The following PIP4K2B variants were observed in gnomAD, a reference collection of about 807,000 sequenced individuals.
PIP4K2B encodes phosphatidylinositol 5-phosphate 4-kinase type-2 beta.
In PIP4K2B, 3 loss-of-function variants were observed where a neutral mutation model predicts 42.0. The ratio of observed to expected loss-of-function variants is 0.07; its 90% CI spans 0.03 to 0.18. The LOEUF is 0.18. Ranked by LOEUF, PIP4K2B falls within the 10% of genes least tolerant of loss-of-function variation. The pLI, the probability that PIP4K2B is intolerant of heterozygous loss-of-function variation, is 1.00. For missense variants in PIP4K2B, 332 were observed against 562.3 expected, an observed-to-expected ratio of 0.59 and a Z score of 4.14; for synonymous variants, 204 against 210.1, an observed-to-expected ratio of 0.97 and a Z score of 0.25.
chr17:38,795,719 C>A (rs1910620578), intron 1 of PIP4K2B, among the ~76,000 whole-genome samples: 1 of 151,214 alleles, frequency 6.6e-6, no homozygotes, highest in Non-Finnish European at 1.5e-5. Flanking sequence ...GCACTAAACT[C>A]CAGCCTGGGC....
chr17:38,789,404 C>T (rs1369693732), intron 1 of PIP4K2B, among the ~76,000 whole-genome samples: 1 of 152,226 alleles, frequency 6.6e-6, no homozygotes, highest in Non-Finnish European at 1.5e-5. Context: ...ACCCTCAACC[C>T]AGTTGCCACT....
intron 1 of PIP4K2B, 80 bp from the exon 2 acceptor site, chr17:38,787,000 C>A (rs1910055824): frequency 1.1e-6 from 1 of 902,110 alleles, no homozygotes; most frequent in East Asian, 2.4e-5. Flanking sequence ...GTGGATGCCA[C>A]AATCTTGCTA....
In PIP4K2B at chr17:38,780,594, G is replaced by A. The variant is rs192535553; in HGVS notation, c.365C>T (p.Thr122Met). ...IDDQDYQNSV[T>M]RSAPINSDSQ... ...GTCACTGTTGATGGGGGCGCTGCGCGTCACTGAATTCTGATAATCGAGACA... is the reference window on the plus strand; with the variant it reads ...GTCACTGTTGATGGGGGCGCTGCGCATCACTGAATTCTGATAATCGAGACA... Residue 122 changes from threonine to methionine, a missense_variant, in exon 4 of 10, where the codon ACG becomes ATG. Thr to Met is a moderately conservative substitution (Grantham distance 81, BLOSUM62 -1). Coordinates refer to ENST00000619039, the MANE Select transcript of PIP4K2B (RefSeq NM_003559.5). The A allele has an allele frequency of 1.6e-5, 26 of 1,610,648 alleles. No individual in the cohort carries two copies. Among genetic ancestry groups the A allele is most frequent in the Middle Eastern group, 1.7e-4 (1 of 6,052 alleles).
At position 38,799,229 on chromosome 17, in the gene PIP4K2B, G is replaced by GGGGCCGCGCTCAGAGGGGCGCGCA. The variant is rs763920486; in HGVS notation, c.159+13_159+36dup. The GGGGCCGCGCTCAGAGGGGCGCGCA allele has an allele frequency of 5.8e-6, 9 of 1,547,610 alleles. No individual in the cohort carries two copies. The highest frequency in any genetic ancestry group is 1.7e-4 in the Middle Eastern group (1 of 5,848). On this transcript the variant is annotated intron_variant, in intron 1 of 9. Coordinates refer to ENST00000619039, the MANE Select transcript of PIP4K2B (RefSeq NM_003559.5). The surrounding 1 kb of genome is among the most constrained non-coding windows in gnomAD (Gnocchi z 4.4). ...GGCTGCAGGGGGCGTGGGAGCGCGC[G>GGGGCCGCGCTCAGAGGGGCGCGCA]GGGCCGCGCTCAGAGGGGCGCGCAG... is the stretch of plus-strand genomic sequence containing the variant.
intron 7 of PIP4K2B, 45 bp downstream of exon 7, chr17:38,777,642 G>T: frequency 8.1e-7 from 1 of 1,230,186 alleles, no homozygotes; most frequent in Non-Finnish European, 1.2e-6. Context: ...GCCTACTCTA[G>T]GTACAGAAGG....
intron 4 of PIP4K2B, 200 bp from the exon 5 acceptor site, chr17:38,779,729 A>G: frequency 1.9e-6 from 1 of 539,970 alleles, no homozygotes; most frequent in Non-Finnish European, 3.3e-6. Flanking sequence ...TCCTGTTGGC[A>G]TGGCAGAGGG....
intron 1 of PIP4K2B, among the ~76,000 whole-genome samples, chr17:38,797,305 C>T (rs1054654071): frequency 6.6e-6 from 1 of 152,218 alleles, no homozygotes; most frequent in Non-Finnish European, 1.5e-5. Context: ...AGACTCATGC[C>T]TGCCTATCGG....
At chr17:38,773,713 A>G (rs1020386977) in intron 7 of PIP4K2B, among the ~76,000 whole-genome samples, 1 of 152,110 alleles carries the variant, frequency 6.6e-6, no homozygotes, top group African/African-American at 2.4e-5. Flanking sequence ...AGCCCTAAAG[A>G]TGGGAGCCCA....
chr17:38,789,736 T>C (rs917518808), intron 1 of PIP4K2B, among the ~76,000 whole-genome samples: 16 of 152,104 alleles, frequency 1.1e-4, no homozygotes, highest in African/African-American at 3.9e-4. Flanking sequence ...AATTTACTCA[T>C]GGAGAAATGA....
intron 7 of PIP4K2B, chr17:38,776,144 A>G (rs1467271610): frequency 2.7e-6 from 1 of 376,630 alleles, no homozygotes; most frequent in African/African-American, 2.2e-5. Context: ...CTAATTTTGT[A>G]TTTTCAGTAG....
At chr17:38,776,294 C>T (rs1448958898) in intron 7 of PIP4K2B, among the ~76,000 whole-genome samples, 3 of 152,056 alleles carry the variant, frequency 2.0e-5, no homozygotes, top group Non-Finnish European at 4.4e-5. Flanking sequence ...ATGTGAAGTT[C>T]CTAGAGTAGT....
chr17:38,797,672 T>C (rs1012722172), intron 1 of PIP4K2B, among the ~76,000 whole-genome samples: 1 of 152,210 alleles, frequency 6.6e-6, no homozygotes, highest in African/African-American at 2.4e-5. Context: ...ACAGACAGGT[T>C]GCTTTCTGTG....
chr17:38,767,972 C>G lies in PIP4K2B; in HGVS notation c.*1719G>C, dbSNP rs1201172910. Reference sequence around the variant, plus strand: ...GAAGGTTTCCCATCCAATCCAGCAGCCCCAGTGAAGTCCAAGAATGCCGTC... The same window carrying G: ...GAAGGTTTCCCATCCAATCCAGCAGGCCCAGTGAAGTCCAAGAATGCCGTC... On this transcript the variant is annotated 3_prime_UTR_variant, in exon 10 of 10. Coordinates refer to ENST00000619039, the MANE Select transcript of PIP4K2B (RefSeq NM_003559.5). The G allele has an allele frequency of 6.6e-6, 1 of 152,300 alleles. No individual in the cohort carries two copies. Among genetic ancestry groups the G allele is most frequent in the African/African-American group, 2.4e-5 (1 of 41,458 alleles). The allele number at this position is 152,300 out of a possible 1,614,324, so 9.4% of individuals were successfully genotyped here. A position where few individuals can be genotyped will look rare whatever the true frequency, so the allele number is the denominator to read the frequency against.
intron 1 of PIP4K2B, among the ~76,000 whole-genome samples, chr17:38,787,430 T>C (rs1910092097): frequency 6.6e-6 from 1 of 152,214 alleles, no homozygotes; most frequent in Non-Finnish European, 1.5e-5. Context: ...CTCCATGAAG[T>C]TTTCCAAGAT....
chr17:38,799,428 C>T lies in PIP4K2B; in HGVS notation c.-4G>A. ...TGCTGGTGCAGTTGGACGACATGCC[C>T]GGGGCGGCGGCGGCGGCGGCGAAAG... On this transcript the variant is annotated 5_prime_UTR_variant, in exon 1 of 10. Transcript: ENST00000619039. This position sits in a 1 kb window ranked among gnomAD's most constrained non-coding sequence, Gnocchi z 4.4. 5 of 1,578,752 alleles carry T rather than the reference C, an allele frequency of 3.2e-6. No individual in the cohort carries two copies. The highest frequency in any genetic ancestry group is 4.3e-6 in the Non-Finnish European group (5 of 1,169,160).
intron 3 of PIP4K2B, among the ~76,000 whole-genome samples, chr17:38,781,894 C>G (rs997889221): frequency 3.3e-5 from 5 of 151,912 alleles, no homozygotes; most frequent in African/African-American, 1.2e-4. Flanking sequence ...CTCACTGCAG[C>G]CTTGAACTCC....
intron 2 of PIP4K2B, among the ~76,000 whole-genome samples, chr17:38,785,101 G>A (rs1909933889): frequency 6.6e-6 from 1 of 152,156 alleles, no homozygotes; most frequent in African/African-American, 2.4e-5. Flanking sequence ...ACAGAGCCCT[G>A]TCTGCTGGCT....
In PIP4K2B at chr17:38,790,854, G is replaced by A. The variant is rs1357918602; in HGVS notation, c.160-3934C>T. ...CATTTCTACTAGGCCACATGTAGAT[G>A]ATTCACTGTAGGGATTAGCCCTATT... On this transcript the variant is annotated intron_variant, in intron 1 of 9. Coordinates refer to ENST00000619039, the MANE Select transcript of PIP4K2B (RefSeq NM_003559.5). Among the ~76,000 whole-genome samples the A allele has an allele frequency of 2.6e-5, 4 of 152,156 alleles. No individual in the cohort carries two copies. The East Asian group carries it at 7.7e-4, about 29-fold the overall frequency.
intron 1 of PIP4K2B, among the ~76,000 whole-genome samples, chr17:38,793,883 C>CA (rs796343923): frequency 0.069 from 9,335 of 135,084 alleles, 929 homozygotes; most frequent in African/African-American, 0.23. Flanking sequence ...AAAAAACAAA[C>CA]AAAAAAAAAA....
Sources: allele counts gnomAD v4.1 joint callset (sites outside exome capture counted in the v4.1 genomes callset), GRCh38; gene constraint gnomAD v4.1.1; non-coding constraint Gnocchi (gnomAD v3.1); transcripts MANE v1.5; gene names NCBI Gene and HGNC (gene_info 2026-07-23, HGNC 2026-07-21).